TAOK1: variants seen among roughly 807,000 people sequenced by gnomAD.
TAOK1 encodes serine/threonine-protein kinase TAO1.
In TAOK1, 21 loss-of-function variants were observed where a neutral mutation model predicts 138.3. The observed-to-expected ratio is 0.15, with a 90% CI of 0.11 to 0.22. TAOK1 has a LOEUF of 0.22. Ranked by LOEUF, TAOK1 falls within the 10% of genes least tolerant of loss-of-function variation. The pLI, the probability that TAOK1 is intolerant of heterozygous loss-of-function variation, is 1.00. For missense variants in TAOK1, 651 were observed against 1,227.7 expected (o/e 0.53, Z 7.02); for synonymous variants, 361 against 398.4 (o/e 0.91, Z 1.12).
chr17:29,489,868 A>AGCT, intron 9 of TAOK1, 111 bp downstream of exon 9: 1 of 623,314 alleles, frequency 1.6e-6, no homozygotes, highest in Non-Finnish European at 2.6e-6. Context: ...TCACCTTATA[A>AGCT]GATATTAAAA....
At chr17:29,417,293 G>T (rs1053221282) in intron 1 of TAOK1, among the ~76,000 whole-genome samples, 2 of 152,228 alleles carry the variant, frequency 1.3e-5, no homozygotes, top group Non-Finnish European at 2.9e-5. Flanking sequence ...GGGATTACAG[G>T]CGTGAGCCAC....
At chr17:29,478,020 A>G (rs1400213209) in intron 5 of TAOK1, among the ~76,000 whole-genome samples, 5 of 152,168 alleles carry the variant, frequency 3.3e-5, no homozygotes, top group African/African-American at 7.2e-5. Flanking sequence ...TTGTTTTTAC[A>G]TCACCAAATA....
At position 29,489,601 on chromosome 17, in the gene TAOK1, C is replaced by T; in HGVS notation, c.656-63C>T. 9.8e-6 allele frequency: 10 copies of T among 1,018,406 alleles called. No homozygotes were observed. In the East Asian group the frequency reaches 1.1e-4, roughly 11 times the overall value. The allele number at this position is 1,018,406 out of a possible 1,614,324, so 63.1% of individuals were successfully genotyped here. On this transcript the variant is annotated intron_variant, in intron 8 of 19. Coordinates refer to ENST00000261716, the MANE Select transcript of TAOK1 (RefSeq NM_020791.4). ...TCATTTAAAAAAAAAAAAGGAAAAA[C>T]GTGCCCAGGACTTGAGTACCCCTGG...
rs116616401 is a variant in TAOK1, at chr17:29,498,311, C to T, written c.1000-7C>T. 1,446 of 1,614,054 alleles carry T rather than the reference C, an allele frequency of 9.0e-4. 20 individuals carry two copies. In the African/African-American group the frequency reaches 0.018, roughly 20 times the overall value. On this transcript the variant is annotated splice_polypyrimidine_tract_variant and splice_region_variant and intron_variant, in intron 11 of 19. Transcript: ENST00000261716. ...TTTGAACTGAACTGAATGTCCTTTTCTCTTAGGAACAAGATCATGGTGTTG... is the reference window on the plus strand; with the variant it reads ...TTTGAACTGAACTGAATGTCCTTTTTTCTTAGGAACAAGATCATGGTGTTG...
intron 16 of TAOK1, among the ~76,000 whole-genome samples, chr17:29,519,227 T>C (rs1474156068): frequency 6.6e-6 from 1 of 152,158 alleles, no homozygotes; most frequent in Non-Finnish European, 1.5e-5. Flanking sequence ...ACAGTTATTC[T>C]TGGCTGGGTG....
At chr17:29,394,567 G>T (rs117590705) in intron 1 of TAOK1, among the ~76,000 whole-genome samples, 23 of 152,160 alleles carry the variant, frequency 1.5e-4, no homozygotes, top group Admixed American at 1.5e-3. Context: ...TCTGTCTTTC[G>T]TGTCTTTCAC....
chr17:29,548,919 G>C lies in TAOK1; in HGVS notation c.*5897G>C, dbSNP rs2032446315. The C allele has an allele frequency of 6.6e-6, 1 of 152,220 alleles. No individual in the cohort carries two copies. The highest frequency in any genetic ancestry group is 1.9e-4 in the East Asian group (1 of 5,188). 9.4% of individuals were successfully genotyped at this position (152,220 alleles called of 1,614,324 possible). On this transcript the variant is annotated 3_prime_UTR_variant, in exon 20 of 20. Transcript: ENST00000261716. ...ATGAAGCTTAATCATGGTCAGGTTT[G>C]AGATCTTTTGCAGTGAAATAATTTT...
chr17:29,417,836 A>G (rs1283139963), intron 1 of TAOK1, among the ~76,000 whole-genome samples: 1 of 152,122 alleles, frequency 6.6e-6, no homozygotes. Context: ...TATCTTTCAC[A>G]GAGCAGAAGT....
At chr17:29,523,131 A>G (rs1030022313) in intron 17 of TAOK1, among the ~76,000 whole-genome samples, 3 of 151,748 alleles carry the variant, frequency 2.0e-5, no homozygotes, top group Admixed American at 6.6e-5. Flanking sequence ...TATATTCTAC[A>G]TGTCAACAAG....
rs1238992290 is a variant in TAOK1 at position 29,546,215 on chromosome 17, CCA to C, written c.*3201_*3202del. 1.3e-5 allele frequency: 2 copies of C among 152,020 alleles called. No individual in the cohort carries two copies. Among genetic ancestry groups the C allele is most frequent in the African/African-American group, 4.8e-5 (2 of 41,398 alleles). 9.4% of individuals were successfully genotyped at this position (152,020 alleles called of 1,614,324 possible). ...GAGATAGAGAGTCTTGTATTTGAAG[CCA>C]CACACACTGGTGTAATATGCTTAGT... On this transcript the variant is annotated 3_prime_UTR_variant, in exon 20 of 20. Coordinates refer to ENST00000261716, the MANE Select transcript of TAOK1 (RefSeq NM_020791.4).
chr17:29,550,550 A>G lies in TAOK1; in HGVS notation c.*7528A>G, dbSNP rs902463143. On this transcript the variant is annotated 3_prime_UTR_variant, in exon 20 of 20. Transcript: ENST00000261716. ...GTTGAAGAGACTATGAGAAATATGT[A>G]TAGTGTATATTTTAAAACAGCTTTG... The G allele has an allele frequency of 1.3e-5, 2 of 152,234 alleles. No homozygotes were observed. Among genetic ancestry groups the G allele is most frequent in the African/African-American group, 4.8e-5 (2 of 41,464 alleles). 9.4% of individuals were successfully genotyped at this position (152,234 alleles called of 1,614,324 possible).
intron 14 of TAOK1, among the ~76,000 whole-genome samples, chr17:29,509,976 C>CA (rs1273752819): frequency 1.3e-5 from 2 of 151,474 alleles, no homozygotes; most frequent in African/African-American, 4.8e-5. Flanking sequence ...CTCAGCCTCT[C>CA]AAAGTGTTGG....
At chr17:29,505,910 G>A (rs2031622304) in intron 13 of TAOK1, among the ~76,000 whole-genome samples, 1 of 152,118 alleles carries the variant, frequency 6.6e-6, no homozygotes, top group Non-Finnish European at 1.5e-5. Context: ...ACTCCAGCGT[G>A]GGCAACCCAC....
intron 1 of TAOK1, among the ~76,000 whole-genome samples, chr17:29,444,735 A>T (rs1485548555): frequency 2.0e-5 from 3 of 152,224 alleles, no homozygotes; most frequent in Non-Finnish European, 2.9e-5. Context: ...TCTATGAATC[A>T]TTGAATTTTT....
rs115554990 is a variant in TAOK1 at position 29,404,361 on chromosome 17, C to T, written c.-95+13337C>T. Among the ~76,000 whole-genome samples, 543 of 152,170 alleles carry T rather than the reference C, an allele frequency of 3.6e-3. 7 individuals carry two copies. Among genetic ancestry groups the T allele is most frequent in the African/African-American group, 0.012 (515 of 41,534 alleles). ...GTATTTTTAGTAGAGACGGCTTCAC[C>T]GTGTTGCCCAGGCTGGTCTTGGATT... is the stretch of plus-strand genomic sequence containing the variant. On this transcript the variant is annotated intron_variant, in intron 1 of 19. Transcript: ENST00000261716.
chr17:29,455,842 T>G (rs2030363824), intron 2 of TAOK1, among the ~76,000 whole-genome samples: 1 of 150,406 alleles, frequency 6.6e-6, no homozygotes. Flanking sequence ...TTTGTAATTC[T>G]TTTAATATGC....
chr17:29,487,641 A>G lies in TAOK1; in HGVS notation c.656-2023A>G, dbSNP rs1351053006. ...AAAGTAACCAAATAATAATGGGGCCATGTCCAAAAGACACAAGCCAGTTTA... is the reference window on the plus strand; with the variant it reads ...AAAGTAACCAAATAATAATGGGGCCGTGTCCAAAAGACACAAGCCAGTTTA... On this transcript the variant is annotated intron_variant, in intron 8 of 19. Coordinates refer to ENST00000261716, the MANE Select transcript of TAOK1 (RefSeq NM_020791.4). Among the ~76,000 whole-genome samples the G allele has an allele frequency of 3.9e-5, 6 of 152,322 alleles. 1 individual carries two copies. Among genetic ancestry groups the G allele is most frequent in the Admixed American group, 2.6e-4 (4 of 15,294 alleles).
rs973754052 is a variant in TAOK1 at position 29,550,263 on chromosome 17, A to G, written c.*7241A>G. 4 of 152,212 alleles carry G rather than the reference A, an allele frequency of 2.6e-5. No individual in the cohort carries two copies. The highest frequency in any genetic ancestry group is 7.2e-5 in the African/African-American group (3 of 41,462). The allele number at this position is 152,212 out of a possible 1,614,324, so 9.4% of individuals were successfully genotyped here. A position where few individuals can be genotyped will look rare whatever the true frequency, so the allele number is the denominator to read the frequency against. Reference sequence around the variant, plus strand: ...TTTAGGGAACTCTTTTGCAAAAGCAATGGTCGGATGTAAATAACATTTAAA... The same window carrying G: ...TTTAGGGAACTCTTTTGCAAAAGCAGTGGTCGGATGTAAATAACATTTAAA... On this transcript the variant is annotated 3_prime_UTR_variant, in exon 20 of 20. Coordinates refer to ENST00000261716, the MANE Select transcript of TAOK1 (RefSeq NM_020791.4).
intron 11 of TAOK1, among the ~76,000 whole-genome samples, chr17:29,496,052 T>C (rs2031407387): frequency 6.6e-6 from 1 of 152,154 alleles, no homozygotes; most frequent in Non-Finnish European, 1.5e-5. Context: ...TTGTTTAGTC[T>C]AGGCCTTCTC....
Sources: allele counts gnomAD v4.1 joint callset (sites outside exome capture counted in the v4.1 genomes callset), GRCh38; gene constraint gnomAD v4.1.1; transcripts MANE v1.5; gene names NCBI Gene and HGNC (gene_info 2026-07-23, HGNC 2026-07-21).